Variants in CELSR1 observed in about 807,000 individuals in gnomAD.
The protein encoded by CELSR1 is adhesion G protein-coupled receptor C1.
CELSR1 carries 110 observed loss-of-function variants against 249.1 expected under a neutral mutation model. The observed-to-expected ratio is 0.44, with a 90% confidence interval of 0.38 to 0.52. The LOEUF (loss-of-function observed/expected upper bound fraction) is 0.52. CELSR1 is among the 20% of genes least tolerant of loss of function. The pLI is 0.00. For synonymous variants in CELSR1, 2,113 were observed against 1,900.0 expected (o/e 1.11, Z -2.92); for missense variants, 4,109 against 4,296.4 (o/e 0.96, Z 1.22).
intron 1 of CELSR1, among the ~76,000 whole-genome samples, chr22:46,519,083 G>A (rs555003106): frequency 6.6e-5 from 10 of 151,910 alleles, no homozygotes; most frequent in South Asian, 4.2e-4. Flanking sequence ...CACGTGCTGC[G>A]CTGTGCACGA....
rs374986079 is a variant in CELSR1 at position 46,471,688 on chromosome 22, C to G, written c.3545-7343G>C. ...TGGGATTCACGGGTGTGAGCCGCTG[C>G]CCCTGGCCTCAGCATTTGTCATAAT... On this transcript the variant is annotated intron_variant, in intron 1 of 34. Transcript: ENST00000674500. The surrounding 1 kb of genome is among the most constrained non-coding windows in gnomAD (Gnocchi z 4.9). 6.6e-5 allele frequency among the ~76,000 whole-genome samples: 10 copies of G among 152,320 alleles called. 1 individual carries two copies. The highest frequency in any genetic ancestry group is 3.3e-4 in the Admixed American group (5 of 15,292).
At chr22:46,373,488 G>C (rs572962361) in intron 24 of CELSR1, among the ~76,000 whole-genome samples, 1 of 139,110 alleles carries the variant, frequency 7.2e-6, no homozygotes, top group Non-Finnish European at 1.6e-5. Flanking sequence ...GCTCTGGGGT[G>C]GGGGGGGCAG....
In CELSR1 at chr22:46,434,526, T is replaced by C. The variant is rs2079635336; in HGVS notation, c.4523-1045A>G. ...CTATGGCCACCTCTCCCATGGTGGTTGGCTGCTGTTACAGGTGCCTCCCTT... is the reference window on the plus strand; with the variant it reads ...CTATGGCCACCTCTCCCATGGTGGTCGGCTGCTGTTACAGGTGCCTCCCTT... On this transcript the variant is annotated intron_variant, in intron 4 of 34. Coordinates refer to ENST00000674500, the MANE Select transcript of CELSR1 (RefSeq NM_001378328.1). This position sits in a 1 kb window ranked among gnomAD's most constrained non-coding sequence, Gnocchi z 4.9. Among the ~76,000 whole-genome samples the C allele has an allele frequency of 6.6e-6, 1 of 152,236 alleles. No individual in the cohort carries two copies. Among genetic ancestry groups the C allele is most frequent in the South Asian group, 2.1e-4 (1 of 4,834 alleles).
At chr22:46,421,782 G>A (rs2079475765) in intron 5 of CELSR1, among the ~76,000 whole-genome samples, 1 of 152,282 alleles carries the variant, frequency 6.6e-6, no homozygotes, top group Non-Finnish European at 1.5e-5. Context: ...GGGAGCACGT[G>A]CAGACTGCCT....
rs1030975374 is a variant in CELSR1, at chr22:46,428,417, C to A, written c.4611+4976G>T. 6.6e-6 allele frequency among the ~76,000 whole-genome samples: 1 copy of A among 152,198 alleles called. No homozygotes were observed. Among genetic ancestry groups the A allele is most frequent in the Non-Finnish European group, 1.5e-5 (1 of 68,026 alleles). On this transcript the variant is annotated intron_variant, in intron 5 of 34. Transcript: ENST00000674500. The surrounding 1 kb of genome is among the most constrained non-coding windows in gnomAD (Gnocchi z 5.7). Reference sequence around the variant, plus strand: ...AGTGCCCCTTGGAGACCACCTGCTGCCCACGTAGAGGCTGCTGCCTCAAGC... The same window carrying A: ...AGTGCCCCTTGGAGACCACCTGCTGACCACGTAGAGGCTGCTGCCTCAAGC...
rs759714586 is a variant in CELSR1 at position 46,398,495 on chromosome 22, TC to T, written c.5526+28del. On this transcript the variant is annotated intron_variant, in intron 11 of 34. Coordinates refer to ENST00000674500, the MANE Select transcript of CELSR1 (RefSeq NM_001378328.1). The surrounding 1 kb of genome is among the most constrained non-coding windows in gnomAD (Gnocchi z 7.2). ...CGGAGCTGCCTGTGAGGGGCAGGCC[TC>T]CCCCCGCCCCCCACAACCCCCACGC... The T allele has an allele frequency of 1.3e-5, 20 of 1,506,090 alleles. No homozygotes were observed. The highest frequency in any genetic ancestry group is 1.2e-4 in the African/African-American group (9 of 72,170). The allele number at this position is 1,506,090 out of a possible 1,614,324, so 93.3% of individuals were successfully genotyped here.
In CELSR1 at chr22:46,366,373, G is replaced by A; in HGVS notation, c.8300+13C>T. 1.9e-6 allele frequency: 3 copies of A among 1,543,502 alleles called. No homozygotes were observed. Among genetic ancestry groups the A allele is most frequent in the Non-Finnish European group, 2.6e-6 (3 of 1,142,236 alleles). Reference sequence around the variant, plus strand: ...CGAGAGCCACCTCCCCGAACCCGGAGCTGCGGCCTGACCTGACGATGCTGT... The same window carrying A: ...CGAGAGCCACCTCCCCGAACCCGGAACTGCGGCCTGACCTGACGATGCTGT... On this transcript the variant is annotated intron_variant, in intron 30 of 34. Transcript: ENST00000674500.
intron 1 of CELSR1, among the ~76,000 whole-genome samples, chr22:46,528,656 C>T (rs184646057): frequency 5.3e-5 from 8 of 152,320 alleles, no homozygotes; most frequent in Non-Finnish European, 7.3e-5. Context: ...AGGCCAGACG[C>T]GGTGGCTCAC....
Position 46,533,685 on chromosome 22 carries a change from G to C in CELSR1, c.3486C>G (p.Leu1162=), listed in dbSNP as rs1188079808. 2 of 1,609,902 alleles carry C rather than the reference G, an allele frequency of 1.2e-6. No homozygotes were observed. ...GCCGGTTGTTGTCCAGGTCGCGGCTGAGCTGCAGTTCGCCCGTGGCGGGGT... is the reference window on the plus strand; with the variant it reads ...GCCGGTTGTTGTCCAGGTCGCGGCTCAGCTGCAGTTCGCCCGTGGCGGGGT... The part of the protein sequence containing the change: ...LLDPATGELQ[L]SRDLDNNRPL... The change falls in exon 1 of 35, where the codon CTC becomes CTG. Residue 1162 remains leucine (L), a synonymous_variant. Transcript: ENST00000674500.
chr22:46,435,781 C>G (rs180857793), intron 4 of CELSR1, among the ~76,000 whole-genome samples: 200 of 152,064 alleles, frequency 1.3e-3, no homozygotes, highest in African/African-American at 4.3e-3. Flanking sequence ...CCTCACTGCA[C>G]CCTCTGCTTC....
At chr22:46,474,785 C>CTTTT (rs1569189753) in intron 1 of CELSR1, among the ~76,000 whole-genome samples, 4 of 45,194 alleles carry the variant, frequency 8.9e-5, no homozygotes, top group African/African-American at 3.9e-4. Context: ...CTACTCTCTA[C>CTTTT]TTCTTTTTTT....
Position 46,363,819 on chromosome 22 carries a change from A to C in CELSR1, c.9035+177T>G. The C allele has an allele frequency of 1.2e-6, 1 of 805,630 alleles. No homozygotes were observed. The highest frequency in any genetic ancestry group is 1.9e-6 in the Non-Finnish European group (1 of 536,580). 49.9% of individuals were successfully genotyped at this position (805,630 alleles called of 1,614,324 possible). Reference sequence around the variant, plus strand: ...TAGGGGGTCTGCCCATCTCCGGGGTATCCTCCTGACCTCAGCTGCAGCGCC... The same window carrying C: ...TAGGGGGTCTGCCCATCTCCGGGGTCTCCTCCTGACCTCAGCTGCAGCGCC... On this transcript the variant is annotated intron_variant, in intron 34 of 34. Transcript: ENST00000674500. The surrounding 1 kb of genome is among the most constrained non-coding windows in gnomAD (Gnocchi z 4.3).
rs552828163 is a variant in CELSR1, at chr22:46,454,119, A to C, written c.4183+9588T>G. Reference sequence around the variant, plus strand: ...GGGAGGGTGAGGGGCAGAAGGTGCTAGTGGTGGAAGCAGGGGTCGGAGTGA... The same window carrying C: ...GGGAGGGTGAGGGGCAGAAGGTGCTCGTGGTGGAAGCAGGGGTCGGAGTGA... On this transcript the variant is annotated intron_variant, in intron 2 of 34. Coordinates refer to ENST00000674500, the MANE Select transcript of CELSR1 (RefSeq NM_001378328.1). The surrounding 1 kb of genome is among the most constrained non-coding windows in gnomAD (Gnocchi z 5.1). 6.6e-6 allele frequency among the ~76,000 whole-genome samples: 1 copy of C among 152,082 alleles called. No individual in the cohort carries two copies. The highest frequency in any genetic ancestry group is 6.5e-5 in the Admixed American group (1 of 15,268).
chr22:46,513,884 C>T (rs546885029), intron 1 of CELSR1, among the ~76,000 whole-genome samples: 6 of 151,806 alleles, frequency 4.0e-5, no homozygotes, highest in African/African-American at 7.3e-5. Flanking sequence ...CTCTGCCTCC[C>T]GGGGTTCACG....
chr22:46,495,761 G>C (rs2080406890), intron 1 of CELSR1, among the ~76,000 whole-genome samples: 1 of 152,188 alleles, frequency 6.6e-6, no homozygotes, highest in African/African-American at 2.4e-5. Context: ...GTTGCAGTGA[G>C]CCGAGATCGT....
intron 1 of CELSR1, among the ~76,000 whole-genome samples, chr22:46,477,300 G>A (rs1388729169): frequency 6.6e-6 from 1 of 152,144 alleles, no homozygotes; most frequent in Non-Finnish European, 1.5e-5. Flanking sequence ...CCGGGACTTC[G>A]ACAGGGATCA....
chr22:46,463,947 A>G lies in CELSR1; in HGVS notation c.3943T>C (p.Tyr1315His). ...NICLREPCENYMKCVSVLRFD... is the reference protein window; with the variant it reads ...NICLREPCENHMKCVSVLRFD... ...CGCAGAACGGACACGCACTTCATGTAGTTCTCGCAGGGCTCGCGCAGGCAG... is the reference window on the plus strand; with the variant it reads ...CGCAGAACGGACACGCACTTCATGTGGTTCTCGCAGGGCTCGCGCAGGCAG... Residue 1315 changes from tyrosine (Y) to histidine (H), a missense_variant, in exon 2 of 35, where the codon TAC (tyrosine) becomes CAC (histidine). Coordinates refer to ENST00000674500, the MANE Select transcript of CELSR1 (RefSeq NM_001378328.1). 6.2e-7 allele frequency: 1 copy of G among 1,614,046 alleles called. No individual in the cohort carries two copies. Among genetic ancestry groups the G allele is most frequent in the South Asian group, 1.1e-5 (1 of 91,090 alleles).
rs1214398000 is a variant in CELSR1 at position 46,445,823 on chromosome 22, C to T, written c.4184-6412G>A. ...CAGGACTCCCCGGGTGCTGTTCTCCCTGCTTGCAGGAGATGCTGCTCCTGG... is the reference window on the plus strand; with the variant it reads ...CAGGACTCCCCGGGTGCTGTTCTCCTTGCTTGCAGGAGATGCTGCTCCTGG... On this transcript the variant is annotated intron_variant, in intron 2 of 34. Transcript: ENST00000674500. The surrounding 1 kb of genome is among the most constrained non-coding windows in gnomAD (Gnocchi z 4.4). Among the ~76,000 whole-genome samples the T allele has an allele frequency of 1.3e-5, 2 of 152,216 alleles. No individual in the cohort carries two copies. Among genetic ancestry groups the T allele is most frequent in the Non-Finnish European group, 2.9e-5 (2 of 68,032 alleles).
Position 46,399,663 on chromosome 22 carries a change from T to C in CELSR1, c.5412+54A>G. On this transcript the variant is annotated intron_variant, in intron 10 of 34. Transcript: ENST00000674500. The surrounding 1 kb of genome is among the most constrained non-coding windows in gnomAD (Gnocchi z 5.0). ...GCACGTCAAGGGGTCATTCTGTTTTTCCCTGGGCCGGAGGAAGGGTCTATC... is the reference window on the plus strand; with the variant it reads ...GCACGTCAAGGGGTCATTCTGTTTTCCCCTGGGCCGGAGGAAGGGTCTATC... 6.3e-7 allele frequency: 1 copy of C among 1,575,604 alleles called. No homozygotes were observed. Among genetic ancestry groups the C allele is most frequent in the Non-Finnish European group, 8.7e-7 (1 of 1,147,670 alleles).
Sources: allele counts gnomAD v4.1 joint callset (sites outside exome capture counted in the v4.1 genomes callset), GRCh38; gene constraint gnomAD v4.1.1; non-coding constraint Gnocchi (gnomAD v3.1); transcripts MANE v1.5; gene names NCBI Gene and HGNC (gene_info 2026-07-23, HGNC 2026-07-21).